Variants in CMTR1 observed in about 807,000 individuals in gnomAD.
CMTR1 encodes the protein cap methyltransferase 1.
CMTR1 carries 39 observed loss-of-function variants against 107.0 expected under a neutral mutation model. That is an observed-to-expected ratio of 0.36 (90% CI 0.28 to 0.48). The LOEUF is 0.48. Among genes scored for constraint, CMTR1 ranks in the 20% least tolerant of loss-of-function variants. CMTR1 has a pLI of 0.99. For synonymous variants in CMTR1, 366 were observed against 379.5 expected (o/e 0.96, Z 0.41); for missense variants, 672 against 1,064.9 (o/e 0.63, Z 5.14).
chr6:37,471,419 C>G (rs1446490485), intron 14 of CMTR1, among the ~76,000 whole-genome samples: 1 of 152,118 alleles, frequency 6.6e-6, no homozygotes, highest in Non-Finnish European at 1.5e-5. Context: ...AGAGGTAGGA[C>G]TGATCAGAGA....
At chr6:37,475,973 G>A (rs902691198) in intron 19 of CMTR1, 153 bp from the exon 20 acceptor site, 12 of 686,020 alleles carry the variant, frequency 1.7e-5, no homozygotes, top group South Asian at 8.4e-5. Flanking sequence ...AGGGCAGGGC[G>A]GGCTTCCTGG....
chr6:37,465,216 G>A (rs1000425486), intron 13 of CMTR1, among the ~76,000 whole-genome samples: 9 of 151,420 alleles, frequency 5.9e-5, no homozygotes, highest in African/African-American at 1.5e-4. Context: ...GCGGTGAGCC[G>A]AGATCGCGCC....
chr6:37,455,799 ATTGT>A (rs374311007), intron 8 of CMTR1, among the ~76,000 whole-genome samples: 32 of 152,220 alleles, frequency 2.1e-4, no homozygotes, highest in Admixed American at 7.9e-4. Context: ...TCTTGCATTA[ATTGT>A]TTAATACTTT....
intron 3 of CMTR1, among the ~76,000 whole-genome samples, chr6:37,445,615 A>G (rs1771768272): frequency 6.7e-6 from 1 of 149,898 alleles, no homozygotes; most frequent in Admixed American, 6.7e-5. Context: ...CAGCCTCCTG[A>G]GTAGCTGGGA....
intron 6 of CMTR1, among the ~76,000 whole-genome samples, chr6:37,452,471 A>T (rs1761198457): frequency 6.6e-6 from 1 of 152,216 alleles, no homozygotes; most frequent in South Asian, 2.1e-4. Flanking sequence ...GGCAGGCCTC[A>T]GAGTAGCCTC....
intron 13 of CMTR1, among the ~76,000 whole-genome samples, chr6:37,470,352 T>C (rs1761599703): frequency 6.6e-6 from 1 of 152,052 alleles, no homozygotes; most frequent in African/African-American, 2.4e-5. Flanking sequence ...TTCACCGTGT[T>C]AGCCAGGATG....
Position 37,450,238 on chromosome 6 carries a change from CTT to C in CMTR1, c.445-10_445-9del, listed in dbSNP as rs758901084. ...TGTCATATCTGTCTTACTAGCCTCT[CTT>C]TTGTTTGCAGCCCAGTGCTTGTGAG... On this transcript the variant is annotated splice_polypyrimidine_tract_variant and intron_variant, in intron 4 of 23. Coordinates refer to ENST00000373451, the MANE Select transcript of CMTR1 (RefSeq NM_015050.3). The C allele has an allele frequency of 1.2e-5, 19 of 1,612,032 alleles. No homozygotes were observed. The highest frequency in any genetic ancestry group is 4.4e-5 in the South Asian group (4 of 91,020).
chr6:37,425,310 T>TC, the CMTR1 span, among the ~76,000 whole-genome samples: 2,979 of 149,494 alleles, frequency 0.02, 117 homozygotes, highest in African/African-American at 0.067. Context: ...TTTTTTTTTT[T>TC]CCCCGAGACA....
intron 6 of CMTR1, 95 bp downstream of exon 6, chr6:37,451,972 T>G (rs1300760145): frequency 2.0e-6 from 2 of 1,006,286 alleles, no homozygotes; most frequent in Non-Finnish European, 3.0e-6. Flanking sequence ...TGTGGGAAGC[T>G]AAAGTTAAGA....
intron 14 of CMTR1, among the ~76,000 whole-genome samples, chr6:37,471,499 T>G (rs1375094062): frequency 6.6e-6 from 1 of 151,846 alleles, no homozygotes; most frequent in Middle Eastern, 3.2e-3. Flanking sequence ...GTGGGATGGG[T>G]TTAGTGTGGC....
chr6:37,453,211 TA>T, intron 7 of CMTR1, 28 bp from the exon 8 acceptor site: 28 of 1,612,602 alleles, frequency 1.7e-5, no homozygotes, highest in Non-Finnish European at 2.4e-5. Context: ...CTAGTACATC[TA>T]GTACTTTTCT....
intron 2 of CMTR1, among the ~76,000 whole-genome samples, chr6:37,439,586 G>C (rs904539878): frequency 6.6e-6 from 1 of 152,150 alleles, no homozygotes; most frequent in African/African-American, 2.4e-5. Flanking sequence ...TTCCTTTATC[G>C]GTATCTGTTT....
Position 37,472,011 on chromosome 6 carries a change from A to G in CMTR1, c.1620+107A>G, listed in dbSNP as rs1179712076. 5.2e-6 allele frequency: 5 copies of G among 966,266 alleles called. No homozygotes were observed. The allele number at this position is 966,266 out of a possible 1,614,324, so 59.9% of individuals were successfully genotyped here. ...TTAGGGTGTCTCTGCATCCAAAAAT[A>G]TCTGCTACCCTCACAGCATCCCAGA... On this transcript the variant is annotated intron_variant, in intron 15 of 23. Coordinates refer to ENST00000373451, the MANE Select transcript of CMTR1 (RefSeq NM_015050.3). The surrounding 1 kb of genome is among the most constrained non-coding windows in gnomAD (Gnocchi z 4.1).
chr6:37,464,420 T>A (rs1312111194), intron 13 of CMTR1, among the ~76,000 whole-genome samples: 2 of 149,518 alleles, frequency 1.3e-5, no homozygotes. Context: ...TGAGCCGAGA[T>A]CGCGCCACTG....
In CMTR1 at chr6:37,480,832, TC is replaced by T. The variant is rs2113900117; in HGVS notation, c.*688del. ...TACCACATTGAGATCCTGGGAGCCC[TC>T]TTTTCGTACTGAGTATGGAGTTGTA... On this transcript the variant is annotated 3_prime_UTR_variant, in exon 24 of 24. Coordinates refer to ENST00000373451, the MANE Select transcript of CMTR1 (RefSeq NM_015050.3). 7.9e-6 allele frequency: 9 copies of T among 1,134,388 alleles called. No homozygotes were observed. The highest frequency in any genetic ancestry group is 4.1e-4 in the Middle Eastern group (1 of 2,454). The allele number at this position is 1,134,388 out of a possible 1,614,324, so 70.3% of individuals were successfully genotyped here.
intron 2 of CMTR1, among the ~76,000 whole-genome samples, chr6:37,437,994 T>C (rs1413741290): frequency 6.6e-6 from 1 of 152,178 alleles, no homozygotes; most frequent in Non-Finnish European, 1.5e-5. Flanking sequence ...AATTTCAAGC[T>C]TTTGTGACTG....
chr6:37,471,731 T>C, intron 14 of CMTR1, 116 bp from the exon 15 acceptor site: 1 of 827,638 alleles, frequency 1.2e-6, no homozygotes, highest in Non-Finnish European at 2.0e-6. Context: ...AGTGTCTGTG[T>C]GTACACTCAC....
At chr6:37,441,998 A>C (rs1230852683) in intron 2 of CMTR1, among the ~76,000 whole-genome samples, 1 of 152,234 alleles carries the variant, frequency 6.6e-6, no homozygotes, top group African/African-American at 2.4e-5. Flanking sequence ...TTGCTAACTT[A>C]TTAGAAGCCA....
chr6:37,448,501 A>G (rs560406128), intron 4 of CMTR1, among the ~76,000 whole-genome samples: 10 of 152,230 alleles, frequency 6.6e-5, no homozygotes, highest in Non-Finnish European at 1.0e-4. Context: ...AACCAACTCT[A>G]TCACCTTTAT....
Sources: gnomAD v4.1 joint callset for allele counts (sites outside exome capture counted in the v4.1 genomes callset) on GRCh38, gnomAD v4.1.1 for gene constraint, Gnocchi (gnomAD v3.1) non-coding constraint, MANE v1.5 for transcripts, NCBI Gene and HGNC (gene_info 2026-07-23, HGNC 2026-07-21) for gene names.